DAAM2: variants seen among roughly 807,000 people sequenced by gnomAD.
The protein encoded by DAAM2 is dishevelled associated activator of morphogenesis 2.
In DAAM2, 39 loss-of-function variants were observed where a neutral mutation model predicts 120.7. That is an observed-to-expected ratio of 0.32 (90% confidence interval 0.25 to 0.42). DAAM2 has a LOEUF of 0.42. Ranked by LOEUF, DAAM2 falls within the 10% of genes least tolerant of loss-of-function variation. The pLI is 1.00. For synonymous variants in DAAM2, 488 were observed against 524.9 expected (o/e 0.93, Z 0.96); for missense variants, 1,283 against 1,401.7 (o/e 0.92, Z 1.35).
At position 39,878,297 on chromosome 6, in the gene DAAM2, C is replaced by T; in HGVS notation, c.1360+36C>T. 1 of 1,613,050 alleles carries T rather than the reference C, an allele frequency of 6.2e-7. No individual in the cohort carries two copies. The highest frequency in any genetic ancestry group is 1.1e-5 in the South Asian group (1 of 90,932). ...CTGCTTAAGCCTGCTGTCCACTCCACATGCCCTTCCCCTGCCCAGCCCATA... is the reference window on the plus strand; with the variant it reads ...CTGCTTAAGCCTGCTGTCCACTCCATATGCCCTTCCCCTGCCCAGCCCATA... On this transcript the variant is annotated intron_variant, in intron 12 of 24. Transcript: ENST00000274867. The surrounding 1 kb of genome is among the most constrained non-coding windows in gnomAD (Gnocchi z 5.0).
chr6:39,883,170 C>T (rs767452862), intron 14 of DAAM2, among the ~76,000 whole-genome samples: 6 of 138,302 alleles, frequency 4.3e-5, no homozygotes, highest in Admixed American at 7.5e-5. Context: ...CAGGGTGCTA[C>T]GAGACTGCCA....
intron 8 of DAAM2, among the ~76,000 whole-genome samples, chr6:39,871,287 G>T (rs1378258340): frequency 6.6e-6 from 1 of 152,130 alleles, no homozygotes; most frequent in Non-Finnish European, 1.5e-5. Flanking sequence ...TAAGGTGAAG[G>T]GACCCTGGAT....
At chr6:39,862,871 T>C (rs1764273522) in intron 3 of DAAM2, 1 of 143,856 alleles carries the variant, frequency 7.0e-6, no homozygotes, top group African/African-American at 2.5e-5. Context: ...CTCACTGCCT[T>C]CCAAACCAAA....
chr6:39,827,359 G>A (rs934534241), intron 1 of DAAM2, among the ~76,000 whole-genome samples: 1 of 152,208 alleles, frequency 6.6e-6, no homozygotes, highest in African/African-American at 2.4e-5. Flanking sequence ...TGCAGATCAT[G>A]TCGGAGAAAG....
chr6:39,798,137 G>C (rs79359135), intron 1 of DAAM2, among the ~76,000 whole-genome samples: 4,435 of 152,318 alleles, frequency 0.029, 205 homozygotes, highest in African/African-American at 0.098. Context: ...AACAGAGCAA[G>C]TATAGTAGCT....
intron 14 of DAAM2, chr6:39,880,067 G>A (rs557960453): frequency 2.5e-5 from 4 of 158,730 alleles, no homozygotes; most frequent in South Asian, 3.6e-4. Flanking sequence ...GAGTAGAGAC[G>A]CCCTTGGTTG....
Position 39,803,369 on chromosome 6 carries a change from G to A in DAAM2, c.-57+10904G>A, listed in dbSNP as rs538933279. Among the ~76,000 whole-genome samples, 8 of 152,322 alleles carry A rather than the reference G, an allele frequency of 5.3e-5. No individual in the cohort carries two copies. The South Asian group carries it at 1.0e-3, about 20-fold the overall frequency. On this transcript the variant is annotated intron_variant, in intron 1 of 24. Transcript: ENST00000274867. ...AGTGATATACAGGGATTCCTGAGACGTTCACAGCTCCCAGGCTCTTTCTAG... is the reference window on the plus strand; with the variant it reads ...AGTGATATACAGGGATTCCTGAGACATTCACAGCTCCCAGGCTCTTTCTAG...
At chr6:39,853,654 A>G (rs1049808132) in intron 1 of DAAM2, among the ~76,000 whole-genome samples, 1 of 152,192 alleles carries the variant, frequency 6.6e-6, no homozygotes, top group East Asian at 1.9e-4. Context: ...AGTAGAGCCA[A>G]GAAAGGTAAG....
chr6:39,860,219 G>A (rs547006460), intron 2 of DAAM2, among the ~76,000 whole-genome samples: 1 of 152,314 alleles, frequency 6.6e-6, no homozygotes, highest in African/African-American at 2.4e-5. Context: ...TTAGCTCCTT[G>A]GAAAGTTTGG....
chr6:39,826,225 C>G (rs569035634), intron 1 of DAAM2, among the ~76,000 whole-genome samples: 3 of 152,162 alleles, frequency 2.0e-5, no homozygotes, highest in Admixed American at 1.3e-4. Context: ...CTCCTGGTCT[C>G]TGGTATAACT....
At chr6:39,833,891 T>A (rs1368844223) in intron 1 of DAAM2, among the ~76,000 whole-genome samples, 1 of 152,236 alleles carries the variant, frequency 6.6e-6, no homozygotes, top group Non-Finnish European at 1.5e-5. Context: ...ATGCCTGAAT[T>A]CTCACTCAGT....
intron 21 of DAAM2, among the ~76,000 whole-genome samples, chr6:39,897,726 T>A (rs1238847787): frequency 6.6e-6 from 1 of 152,082 alleles, no homozygotes; most frequent in Admixed American, 6.5e-5. Context: ...GCACCTTAAA[T>A]CTCCACCTAG....
At chr6:39,817,658 C>T (rs1762347398) in intron 1 of DAAM2, among the ~76,000 whole-genome samples, 1 of 151,992 alleles carries the variant, frequency 6.6e-6, no homozygotes. Context: ...GTGGGACTGA[C>T]AAGTCAAAAA....
intron 1 of DAAM2, among the ~76,000 whole-genome samples, chr6:39,839,468 G>T (rs1026258085): frequency 3.9e-5 from 6 of 152,144 alleles, no homozygotes; most frequent in Admixed American, 3.9e-4. Flanking sequence ...TGAGAGAAGA[G>T]AGCTGGGAAA....
At chr6:39,883,241 T>G (rs1582732878) in intron 14 of DAAM2, among the ~76,000 whole-genome samples, 1 of 147,950 alleles carries the variant, frequency 6.8e-6, no homozygotes. Flanking sequence ...AGTGCAAGGG[T>G]CCTACACAGA....
chr6:39,891,541 C>T lies in DAAM2; in HGVS notation c.2253-93C>T, dbSNP rs1765718989. ...CCAAGAGGAAGGGGATGGAGGTGGG[C>T]AGGCTTGAGAGGAGACTGGAGCTGG... is the stretch of plus-strand genomic sequence containing the variant. On this transcript the variant is annotated intron_variant, in intron 18 of 24. Coordinates refer to ENST00000274867, the MANE Select transcript of DAAM2 (RefSeq NM_001201427.2). 7 of 1,507,212 alleles carry T rather than the reference C, an allele frequency of 4.6e-6. No homozygotes were observed. The East Asian group carries it at 1.2e-4, about 26-fold the overall frequency. The allele number at this position is 1,507,212 out of a possible 1,614,324, so 93.4% of individuals were successfully genotyped here.
intron 1 of DAAM2, chr6:39,823,022 T>C (rs942201025): frequency 1.3e-5 from 2 of 152,218 alleles, no homozygotes; most frequent in African/African-American, 4.8e-5. Context: ...ATAATAATAC[T>C]GTAAAAATTG....
chr6:39,825,256 G>A (rs1762625018), intron 1 of DAAM2, among the ~76,000 whole-genome samples: 1 of 152,066 alleles, frequency 6.6e-6, no homozygotes, highest in Non-Finnish European at 1.5e-5. Flanking sequence ...CAGGCATGGT[G>A]GTGTGCGCCT....
intron 1 of DAAM2, among the ~76,000 whole-genome samples, chr6:39,841,014 C>G (rs1288001087): frequency 2.8e-4 from 5 of 18,116 alleles, no homozygotes; most frequent in Admixed American, 6.8e-4. Flanking sequence ...AGGGGTCCCA[C>G]GGGGAGGGTT....
Sources: gnomAD v4.1 joint callset for allele counts (sites outside exome capture counted in the v4.1 genomes callset) on GRCh38, gnomAD v4.1.1 for gene constraint, Gnocchi (gnomAD v3.1) non-coding constraint, MANE v1.5 for transcripts, NCBI Gene and HGNC (gene_info 2026-07-23, HGNC 2026-07-21) for gene names.